INPP1: variants seen among roughly 807,000 people sequenced by gnomAD.
INPP1 encodes inositol polyphosphate 1-phosphatase.
Under a neutral mutation model 23.0 loss-of-function variants are expected in INPP1, and 18 were observed. The observed-to-expected ratio is 0.78, with a 90% CI of 0.54 to 1.16. INPP1 has a LOEUF of 1.16. INPP1 is among the 50% of genes most tolerant of loss of function. The probability of loss-of-function intolerance (pLI) is 0.00; values close to 1 mark genes in which losing one functional copy is unlikely to be tolerated. For synonymous variants in INPP1, 164 were observed against 176.3 expected, an observed-to-expected ratio of 0.93 and a Z score of 0.55; for missense variants, 448 against 482.1, an observed-to-expected ratio of 0.93 and a Z score of 0.66.
At chr2:190,359,509 A>T (rs1395726615) in intron 2 of INPP1, 1 of 149,340 alleles carries the variant, frequency 6.7e-6, no homozygotes, top group Non-Finnish European at 1.5e-5. Flanking sequence ...GTGAGCGGAG[A>T]TCGCACAGCT....
chr2:190,360,372 T>G, intron 3 of INPP1, 66 bp downstream of exon 3: 1 of 1,424,676 alleles, frequency 7.0e-7, no homozygotes, highest in Non-Finnish European at 9.8e-7. Flanking sequence ...CATCATAGAA[T>G]AGCATGCCTT....
At chr2:190,357,652 T>C (rs1472577123) in intron 2 of INPP1, among the ~76,000 whole-genome samples, 3 of 152,232 alleles carry the variant, frequency 2.0e-5, no homozygotes, top group Admixed American at 6.5e-5. Flanking sequence ...TGTGCAGAAA[T>C]ATTTTAACTC....
rs1453170802 is a variant in INPP1 at position 190,354,590 on chromosome 2, A to C, written c.-64-5449A>C. On this transcript the variant is annotated intron_variant, in intron 2 of 6. Transcript: ENST00000392329. The surrounding 1 kb of genome is among the most constrained non-coding windows in gnomAD (Gnocchi z 4.8). Reference sequence around the variant, plus strand: ...GCCACAATGAGAGGGGCCGTCTGTGAGCCAAGGAGCAAAGCCTCAGGAGAA... The same window carrying C: ...GCCACAATGAGAGGGGCCGTCTGTGCGCCAAGGAGCAAAGCCTCAGGAGAA... 4.6e-5 allele frequency among the ~76,000 whole-genome samples: 7 copies of C among 152,358 alleles called. No individual in the cohort carries two copies. The highest frequency in any genetic ancestry group is 1.7e-4 in the African/African-American group (7 of 41,580).
At position 190,361,971 on chromosome 2, in the gene INPP1, A is replaced by G. The variant is rs202204794; in HGVS notation, c.205-656A>G. Among the ~76,000 whole-genome samples, 5 of 152,360 alleles carry G rather than the reference A, an allele frequency of 3.3e-5. No individual in the cohort carries two copies. In the East Asian group the frequency reaches 9.6e-4, roughly 29 times the overall value. The stretch of plus-strand genomic sequence containing the variant: ...AATTATCTTTATTACAGAGAGGATC[A>G]GAAGCAAAATGCATCAGAAAGCTTC... On this transcript the variant is annotated intron_variant, in intron 3 of 6. Transcript: ENST00000392329.
At chr2:190,364,923 T>TA (rs1245039609) in intron 4 of INPP1, among the ~76,000 whole-genome samples, 1 of 152,026 alleles carries the variant, frequency 6.6e-6, no homozygotes, top group Admixed American at 6.6e-5. Flanking sequence ...GACTTTCTAA[T>TA]AAGCTCCCAG....
chr2:190,365,968 TC>T (rs1689643777), intron 4 of INPP1, among the ~76,000 whole-genome samples: 1 of 21,864 alleles, frequency 4.6e-5, no homozygotes, highest in African/African-American at 4.0e-4. Flanking sequence ...TTGCTCTCTC[TC>T]GCTCTCTCGC....
chr2:190,350,604 C>T (rs1575783668), intron 2 of INPP1, among the ~76,000 whole-genome samples: 1 of 152,132 alleles, frequency 6.6e-6, no homozygotes, highest in Non-Finnish European at 1.5e-5. Flanking sequence ...AAAATGTAGG[C>T]TAATGTGGTC....
At position 190,370,703 on chromosome 2, in the gene INPP1, T is replaced by A. The variant is rs964288704; in HGVS notation, c.642-141T>A. 30 of 679,692 alleles carry A rather than the reference T, an allele frequency of 4.4e-5. 1 individual carries two copies. Among genetic ancestry groups the A allele is most frequent in the South Asian group, 4.1e-4 (21 of 51,818 alleles). The allele number at this position is 679,692 out of a possible 1,614,324, so 42.1% of individuals were successfully genotyped here. A position where few individuals can be genotyped will look rare whatever the true frequency, so the allele number is the denominator to read the frequency against. On this transcript the variant is annotated intron_variant, in intron 6 of 6. Coordinates refer to ENST00000392329, the MANE Select transcript of INPP1 (RefSeq NM_001128928.2). ...TCTGAAATAAACTAGCTACCTGATATCTATTCCTAGACTTAAAGGTGTTAA... is the reference window on the plus strand; with the variant it reads ...TCTGAAATAAACTAGCTACCTGATAACTATTCCTAGACTTAAAGGTGTTAA...
chr2:190,346,174 ACTTC>A lies in INPP1; in HGVS notation c.-209+2216_-209+2219del, dbSNP rs1352549804. Among the ~76,000 whole-genome samples the A allele has an allele frequency of 6.6e-6, 1 of 152,180 alleles. No individual in the cohort carries two copies. The highest frequency in any genetic ancestry group is 1.5e-5 in the Non-Finnish European group (1 of 68,032). On this transcript the variant is annotated intron_variant, in intron 1 of 6. Coordinates refer to ENST00000392329, the MANE Select transcript of INPP1 (RefSeq NM_001128928.2). This position sits in a 1 kb window ranked among gnomAD's most constrained non-coding sequence, Gnocchi z 5.1. Reference sequence around the variant, plus strand: ...AAAGATTCCCAGATTGCAACTTGAGACTTCCTGGATCAGAATTTCTAAGAGAAAG... The same window carrying A: ...AAAGATTCCCAGATTGCAACTTGAGACTGGATCAGAATTTCTAAGAGAAAG...
chr2:190,366,589 C>G (rs1280739460), intron 4 of INPP1, 106 bp from the exon 5 acceptor site: 13 of 813,996 alleles, frequency 1.6e-5, no homozygotes, highest in South Asian at 1.3e-4. Flanking sequence ...CTCTCTGTCT[C>G]TCTCTCTCGC....
At chr2:190,358,741 T>C (rs1689474996) in intron 2 of INPP1, among the ~76,000 whole-genome samples, 1 of 152,220 alleles carries the variant, frequency 6.6e-6, no homozygotes, top group African/African-American at 2.4e-5. Context: ...GTAGCTATTA[T>C]TAAAAATGAG....
intron 1 of INPP1, among the ~76,000 whole-genome samples, chr2:190,348,584 T>C (rs1689267998): frequency 6.6e-6 from 1 of 152,196 alleles, no homozygotes. Context: ...CCATCCTACT[T>C]TCTGTCTCCA....
chr2:190,348,645 T>A (rs1207191979), intron 1 of INPP1, among the ~76,000 whole-genome samples: 3 of 152,250 alleles, frequency 2.0e-5, no homozygotes, highest in Non-Finnish European at 4.4e-5. Flanking sequence ...AGAGTATTTG[T>A]CTTTTTCAGT....
intron 1 of INPP1, among the ~76,000 whole-genome samples, chr2:190,348,280 T>C (rs376419937): frequency 1.3e-5 from 2 of 152,186 alleles, no homozygotes; most frequent in South Asian, 4.1e-4. Context: ...TCAACAAATA[T>C]TTATTATGCC....
In INPP1 at chr2:190,367,362, G is replaced by A. The variant is rs572185166; in HGVS notation, c.466+467G>A. ...GAAACCAAAATCCAAGGTTTTCAGC[G>A]ATATATCCCAATTTCTAACCGTTAG... On this transcript the variant is annotated intron_variant, in intron 5 of 6. Coordinates refer to ENST00000392329, the MANE Select transcript of INPP1 (RefSeq NM_001128928.2). This position sits in a 1 kb window ranked among gnomAD's most constrained non-coding sequence, Gnocchi z 4.1. Among the ~76,000 whole-genome samples, 33 of 152,190 alleles carry A rather than the reference G, an allele frequency of 2.2e-4. No individual in the cohort carries two copies. The highest frequency in any genetic ancestry group is 7.7e-4 in the African/African-American group (32 of 41,522).
At chr2:190,353,698 A>C (rs760766002) in intron 2 of INPP1, among the ~76,000 whole-genome samples, 11 of 152,238 alleles carry the variant, frequency 7.2e-5, no homozygotes, top group Admixed American at 2.0e-4. Context: ...AAAATACCTG[A>C]TGCCACACAG....
chr2:190,367,458 C>T lies in INPP1; in HGVS notation c.466+563C>T, dbSNP rs562501384. Among the ~76,000 whole-genome samples the T allele has an allele frequency of 1.5e-3, 227 of 152,342 alleles. 2 individuals are homozygous for T. The highest frequency in any genetic ancestry group is 2.6e-3 in the Non-Finnish European group (175 of 68,032). On this transcript the variant is annotated intron_variant, in intron 5 of 6. Coordinates refer to ENST00000392329, the MANE Select transcript of INPP1 (RefSeq NM_001128928.2). This position sits in a 1 kb window ranked among gnomAD's most constrained non-coding sequence, Gnocchi z 4.1. Reference sequence around the variant, plus strand: ...AGGTCAAGCAAAAAGCTGAATGTGACGCATGAGCAGTTTGTGAGCCCTGCA... The same window carrying T: ...AGGTCAAGCAAAAAGCTGAATGTGATGCATGAGCAGTTTGTGAGCCCTGCA...
chr2:190,364,266 G>C (rs1689591588), intron 4 of INPP1, among the ~76,000 whole-genome samples: 2 of 152,138 alleles, frequency 1.3e-5, no homozygotes, highest in Admixed American at 1.3e-4. Flanking sequence ...TCGGCCGGGC[G>C]CGGTGGCTCA....
At chr2:190,365,476 A>G (rs1689626822) in intron 4 of INPP1, among the ~76,000 whole-genome samples, 1 of 152,256 alleles carries the variant, frequency 6.6e-6, no homozygotes. Context: ...TAAGTATATA[A>G]AAAGTCAAAA....
Sources: gnomAD v4.1 joint callset for allele counts (sites outside exome capture counted in the v4.1 genomes callset) on GRCh38, gnomAD v4.1.1 for gene constraint, Gnocchi (gnomAD v3.1) non-coding constraint, MANE v1.5 for transcripts, NCBI Gene and HGNC (gene_info 2026-07-23, HGNC 2026-07-21) for gene names.